Variants in HEMK2 observed in about 807,000 individuals in gnomAD.
The protein encoded by HEMK2 is HemK methyltransferase 2, ETF1 glutamine and histone H4 lysine, also known as methyltransferase HEMK2.
At chr21:28,786,161 G>A in the HEMK2 span, among the ~76,000 whole-genome samples, 1 of 152,144 alleles carries the variant, frequency 6.6e-6, no homozygotes, top group African/African-American at 2.4e-5. Flanking sequence ...CTAAGCTCTG[G>A]TTCTGGCTTC....
the HEMK2 span, among the ~76,000 whole-genome samples, chr21:28,753,658 G>A: frequency 6.6e-6 from 1 of 152,144 alleles, no homozygotes; most frequent in South Asian, 2.1e-4. Flanking sequence ...TCTAAGGGTA[G>A]CCATTTACAA....
At chr21:28,867,361 T>C in the HEMK2 span, among the ~76,000 whole-genome samples, 1 of 152,152 alleles carries the variant, frequency 6.6e-6, no homozygotes, top group Admixed American at 6.5e-5. Context: ...ATTTGAGACA[T>C]TTATAAAAAT....
chr21:28,660,921 TAAAG>T, the HEMK2 span, among the ~76,000 whole-genome samples: 1 of 152,244 alleles, frequency 6.6e-6, no homozygotes, highest in Middle Eastern at 3.4e-3. Context: ...GTTTAATACT[TAAAG>T]AACCACTTAC....
the HEMK2 span, among the ~76,000 whole-genome samples, chr21:28,867,678 A>G: frequency 6.6e-6 from 1 of 152,188 alleles, no homozygotes; most frequent in African/African-American, 2.4e-5. Flanking sequence ...CCTTGCCTCA[A>G]GTCTTATGGG....
chr21:28,779,065 A>T, the HEMK2 span, among the ~76,000 whole-genome samples: 4 of 152,228 alleles, frequency 2.6e-5, no homozygotes, highest in African/African-American at 9.6e-5. Context: ...CTCCTTAAAA[A>T]ACTAAACATA....
the HEMK2 span, among the ~76,000 whole-genome samples, chr21:28,781,348 C>T: frequency 6.6e-6 from 1 of 152,294 alleles, no homozygotes; most frequent in South Asian, 2.1e-4. Context: ...ATTCTTATTA[C>T]TTCTCCCAGA....
chr21:28,789,192 CAGGT>C, the HEMK2 span, among the ~76,000 whole-genome samples: 2 of 152,062 alleles, frequency 1.3e-5, no homozygotes. Context: ...AAGGACGTCC[CAGGT>C]AACATTGGCA....
the HEMK2 span, among the ~76,000 whole-genome samples, chr21:28,676,214 A>G: frequency 6.6e-6 from 1 of 152,162 alleles, no homozygotes; most frequent in African/African-American, 2.4e-5. Flanking sequence ...TGAAATCCTG[A>G]TATCAAGGTG....
At chr21:28,723,150 C>G in the HEMK2 span, among the ~76,000 whole-genome samples, 3 of 152,166 alleles carry the variant, frequency 2.0e-5, no homozygotes, top group Non-Finnish European at 4.4e-5. Context: ...CTGGCGCCTA[C>G]AGTTGCACAC....
chr21:28,869,682 G>A, the HEMK2 span, among the ~76,000 whole-genome samples: 1 of 152,132 alleles, frequency 6.6e-6, no homozygotes, highest in East Asian at 1.9e-4. Context: ...TGTGATGGTG[G>A]CACAAAACAG....
chr21:28,788,304 AT>A, the HEMK2 span, among the ~76,000 whole-genome samples: 1 of 145,666 alleles, frequency 6.9e-6, no homozygotes, highest in Admixed American at 7.6e-5. Context: ...ACACACACAC[AT>A]ATATATGTGT....
the HEMK2 span, among the ~76,000 whole-genome samples, chr21:28,884,965 A>T: frequency 6.6e-6 from 1 of 152,202 alleles, no homozygotes. Context: ...ACGCCTTTGC[A>T]TGGTAAGCAG....
At chr21:28,604,016 AAC>A in the HEMK2 span, among the ~76,000 whole-genome samples, 1 of 152,204 alleles carries the variant, frequency 6.6e-6, no homozygotes, top group African/African-American at 2.4e-5. Flanking sequence ...GGGAGAGGTG[AAC>A]ACAGTCCTTA....
chr21:28,700,050 C>T, the HEMK2 span, among the ~76,000 whole-genome samples: 1 of 152,136 alleles, frequency 6.6e-6, no homozygotes, highest in Non-Finnish European at 1.5e-5. Flanking sequence ...GACCAACAGT[C>T]CCTGGCCAAC....
the HEMK2 span, chr21:28,874,769 C>A: frequency 6.6e-6 from 1 of 152,248 alleles, no homozygotes; most frequent in Non-Finnish European, 1.5e-5. Flanking sequence ...CTCCAAATTT[C>A]TTTGTCACCA....
the HEMK2 span, among the ~76,000 whole-genome samples, chr21:28,665,193 C>A: frequency 6.6e-6 from 1 of 151,430 alleles, no homozygotes; most frequent in Non-Finnish European, 1.5e-5. Flanking sequence ...TGTCTTGAGT[C>A]TGGGAGGTTG....
At chr21:28,728,941 T>A in the HEMK2 span, among the ~76,000 whole-genome samples, 1 of 152,136 alleles carries the variant, frequency 6.6e-6, no homozygotes, top group Non-Finnish European at 1.5e-5. Context: ...TGACTCCTGG[T>A]GAGGGGCTAT....
chr21:28,806,184 T>G, the HEMK2 span, among the ~76,000 whole-genome samples: 2 of 152,218 alleles, frequency 1.3e-5, no homozygotes, highest in Non-Finnish European at 2.9e-5. Flanking sequence ...GATCAGCCTG[T>G]GATGCCTCTG....
chr21:28,878,311 G>A, the HEMK2 span: 4 of 1,613,222 alleles, frequency 2.5e-6, no homozygotes, highest in Admixed American at 1.7e-5. Context: ...AGCCCAAGCT[G>A]CCTCTATTCC....
Sources: gnomAD v4.1 joint callset for allele counts (sites outside exome capture counted in the v4.1 genomes callset) on GRCh38, gnomAD v4.1.1 for gene constraint, MANE v1.5 for transcripts, NCBI Gene and HGNC (gene_info 2026-07-23, HGNC 2026-07-21) for gene names.